Variants in ASTN1 observed in about 807,000 individuals in gnomAD.
ASTN1 encodes astrotactin 1.
A neutral mutation model predicts 140.7 loss-of-function variants in ASTN1; 41 were observed. That is an observed-to-expected ratio of 0.29 (90% CI 0.23 to 0.38). The LOEUF is 0.38. Ranked by LOEUF, ASTN1 falls within the 10% of genes least tolerant of loss-of-function variation. The probability of loss-of-function intolerance (pLI) is 1.00; values close to 1 mark genes in which losing one functional copy is unlikely to be tolerated. For missense variants in ASTN1, 1,479 were observed against 1,678.8 expected (o/e 0.88, Z 2.08); for synonymous variants, 640 against 652.2 (o/e 0.98, Z 0.29).
intron 8 of ASTN1, among the ~76,000 whole-genome samples, chr1:177,004,763 T>A (rs142454325): frequency 1.3e-5 from 2 of 152,278 alleles, no homozygotes; most frequent in East Asian, 3.9e-4. Flanking sequence ...CTGAGAAAGC[T>A]GGATAGCCAC....
rs227986 is a variant in ASTN1, at chr1:176,968,479, C to T, written c.1524-3242G>A. ...CAAAGCCCCGACACCCCACCTCCCA[C>T]CTCCCACTTCCCACCCAGTGGTCAC... On this transcript the variant is annotated intron_variant, in intron 8 of 22. Transcript: ENST00000361833. Among the ~76,000 whole-genome samples, 82 of 152,316 alleles carry T rather than the reference C, an allele frequency of 5.4e-4. 1 individual carries two copies. The East Asian group carries it at 0.016, about 29-fold the overall frequency.
intron 1 of ASTN1, among the ~76,000 whole-genome samples, chr1:177,109,246 G>T (rs1219044343): frequency 6.6e-6 from 1 of 152,010 alleles, no homozygotes; most frequent in Non-Finnish European, 1.5e-5. Flanking sequence ...AAGCTTTGCA[G>T]GAAATATGTA....
intron 1 of ASTN1, among the ~76,000 whole-genome samples, chr1:177,148,835 A>G (rs1302848931): frequency 6.6e-6 from 1 of 151,812 alleles, no homozygotes; most frequent in East Asian, 1.9e-4. Context: ...AGTGCAATGA[A>G]GCACACAGAA....
intron 1 of ASTN1, among the ~76,000 whole-genome samples, chr1:177,134,050 A>G (rs1408369543): frequency 6.6e-6 from 1 of 152,256 alleles, no homozygotes; most frequent in African/African-American, 2.4e-5. Context: ...TAACAGCAGC[A>G]GAAATGAGGG....
intron 1 of ASTN1, among the ~76,000 whole-genome samples, chr1:177,136,633 C>A (rs376789326): frequency 4.8e-4 from 73 of 152,228 alleles, no homozygotes; most frequent in South Asian, 4.1e-4. Context: ...GGATTACAGG[C>A]GTCAGCCACT....
At position 176,884,335 on chromosome 1, in the gene ASTN1, T is replaced by C; in HGVS notation, c.3226+4A>G. ...GACAAGCCCATGAAGTAGAAGGTGCTCACCTGTCTCCACTTTGGAGTGGTC... is the reference window on the plus strand; with the variant it reads ...GACAAGCCCATGAAGTAGAAGGTGCCCACCTGTCTCCACTTTGGAGTGGTC... On this transcript the variant is annotated splice_donor_region_variant and intron_variant, in intron 19 of 22. Coordinates refer to ENST00000361833, the MANE Select transcript of ASTN1 (RefSeq NM_004319.3). 1 of 1,612,818 alleles carries C rather than the reference T, an allele frequency of 6.2e-7. No homozygotes were observed. The highest frequency in any genetic ancestry group is 8.5e-7 in the Non-Finnish European group (1 of 1,178,826).
At position 176,861,726 on chromosome 1, in the gene ASTN1, G is replaced by A; in HGVS notation, c.*2558C>T. On this transcript the variant is annotated 3_prime_UTR_variant, in exon 23 of 23. Transcript: ENST00000361833. The stretch of plus-strand genomic sequence containing the variant: ...CATACATACACACATTCAGTGGGGA[G>A]AACTCAACGAGAAACAGGAGGAAGA... 1.0e-6 allele frequency: 1 copy of A among 985,368 alleles called. No homozygotes were observed. The highest frequency in any genetic ancestry group is 1.2e-6 in the Non-Finnish European group (1 of 829,964). 61.0% of individuals were successfully genotyped at this position (985,368 alleles called of 1,614,324 possible).
chr1:176,941,811 G>A (rs1233317725), intron 14 of ASTN1, among the ~76,000 whole-genome samples: 2 of 152,148 alleles, frequency 1.3e-5, no homozygotes, highest in Non-Finnish European at 2.9e-5. Context: ...TGGTACCTAC[G>A]CTATTTGTAT....
In ASTN1 at chr1:176,944,001, C is replaced by T. The variant is rs779917788; in HGVS notation, c.2267G>A (p.Arg756His). ...KGTFRQNNFA[R>H]GLDQQLPDGL... ...ATCTGGCAGTTGCTGGTCTAAACCA[C>T]GAGCAAAGTTGTTTTGCCTAGAAAG... The change falls in exon 14 of 23, where the codon CGT (arginine) becomes CAT (histidine). Residue 756 changes from arginine (R) to histidine (H), a missense_variant. By Grantham distance (29) the Arg-to-His change is conservative. This residue lies in a region of ASTN1 where 746 missense variants were observed against 800.9 expected (regional missense o/e 0.93). Coordinates refer to ENST00000361833, the MANE Select transcript of ASTN1 (RefSeq NM_004319.3). The T allele has an allele frequency of 4.0e-5, 65 of 1,613,886 alleles. No individual in the cohort carries two copies. The highest frequency in any genetic ancestry group is 4.7e-5 in the Non-Finnish European group (56 of 1,179,974).
chr1:177,046,553 A>G (rs1383419132), intron 2 of ASTN1, among the ~76,000 whole-genome samples: 3 of 152,158 alleles, frequency 2.0e-5, no homozygotes, highest in Non-Finnish European at 4.4e-5. Context: ...ACAGAACACC[A>G]TGTGGTCCCA....
Position 176,864,517 on chromosome 1 carries a change from C to T in ASTN1, c.3652G>A (p.Ala1218Thr). The T allele has an allele frequency of 1.2e-6, 2 of 1,614,040 alleles. No homozygotes were observed. The highest frequency in any genetic ancestry group is 1.1e-5 in the South Asian group (1 of 91,080). ...RCEDELGPRK[A>T]GLILSQLGDL... Reference sequence around the variant, plus strand: ...CCAAGCTGGGAAAGGATGAGACCAGCTTTCCTATGGATCAAGCACAGAGGA... The same window carrying T: ...CCAAGCTGGGAAAGGATGAGACCAGTTTTCCTATGGATCAAGCACAGAGGA... Residue 1218 changes from alanine to threonine, a missense_variant, in exon 23 of 23, where the codon GCT becomes ACT. By Grantham distance (58) the Ala-to-Thr change is moderately conservative (BLOSUM62 0). Around this residue, in one of 3 missense-constraint regions of ASTN1, gnomAD observed 746 missense variants for 800.9 expected, o/e 0.93. Transcript: ENST00000361833.
chr1:176,909,728 T>TAACA (rs3040990), intron 16 of ASTN1, among the ~76,000 whole-genome samples: 42,405 of 151,854 alleles, frequency 0.28, 6,375 homozygotes, highest in African/African-American at 0.37. Flanking sequence ...CTGTTAGTAC[T>TAACA]GAGTGCCAAG....
At position 176,894,801 on chromosome 1, in the gene ASTN1, G is replaced by C. The variant is rs777093050; in HGVS notation, c.2701C>G (p.Arg901Gly). ...GTCAGCACCTTGGGGTCTCTTTCCC[G>C]CTCCTCAGACTCATCTGATGGGGAG... Reference protein sequence around the residue: ...GNSPSDESEERERDPKVLTFP... With the variant: ...GNSPSDESEEGERDPKVLTFP... Residue 901 changes from arginine to glycine, a missense_variant, in exon 17 of 23, where the codon CGG (arginine) becomes GGG (glycine). Coordinates refer to ENST00000361833, the MANE Select transcript of ASTN1 (RefSeq NM_004319.3). The C allele has an allele frequency of 6.2e-7, 1 of 1,613,972 alleles. No individual in the cohort carries two copies. Among genetic ancestry groups the C allele is most frequent in the South Asian group, 1.1e-5 (1 of 91,076 alleles).
intron 22 of ASTN1, among the ~76,000 whole-genome samples, chr1:176,867,192 G>A (rs1009482025): frequency 9.9e-5 from 15 of 152,206 alleles, no homozygotes; most frequent in African/African-American, 3.6e-4. Flanking sequence ...CACTCCAAAT[G>A]CCCTTAGAAA....
intron 1 of ASTN1, among the ~76,000 whole-genome samples, chr1:177,096,784 A>C (rs1680046125): frequency 6.6e-6 from 1 of 152,148 alleles, no homozygotes; most frequent in African/African-American, 2.4e-5. Flanking sequence ...GCCTTGTGGA[A>C]CTGTAAGTCC....
At chr1:176,947,475 G>A (rs544001322) in intron 12 of ASTN1, among the ~76,000 whole-genome samples, 45 of 152,222 alleles carry the variant, frequency 3.0e-4, no homozygotes, top group South Asian at 1.9e-3. Context: ...TCTTCGGCAC[G>A]CTATATATAG....
intron 1 of ASTN1, among the ~76,000 whole-genome samples, chr1:177,110,480 C>G (rs1279659759): frequency 6.6e-6 from 1 of 152,182 alleles, no homozygotes; most frequent in Non-Finnish European, 1.5e-5. Flanking sequence ...CCCTGACACA[C>G]AAACCTGTCT....
intron 16 of ASTN1, among the ~76,000 whole-genome samples, chr1:176,915,003 A>T (rs1157532154): frequency 1.3e-5 from 2 of 152,198 alleles, no homozygotes; most frequent in African/African-American, 4.8e-5. Context: ...TAGACAAAAA[A>T]ATTTTCATGC....
At chr1:176,893,252 G>T (rs1348643680) in intron 17 of ASTN1, among the ~76,000 whole-genome samples, 1 of 152,146 alleles carries the variant, frequency 6.6e-6, no homozygotes, top group Admixed American at 6.5e-5. Context: ...TAGGGTATCA[G>T]CAGCAGCAGC....
Sources: gnomAD v4.1 joint callset for allele counts (sites outside exome capture counted in the v4.1 genomes callset) on GRCh38, gnomAD v4.1.1 for gene constraint, gnomAD v4.1.1 regional missense constraint, MANE v1.5 for transcripts, NCBI Gene and HGNC (gene_info 2026-07-23, HGNC 2026-07-21) for gene names.